Variants in NRF1 observed in about 807,000 individuals in gnomAD.
The protein encoded by NRF1 is alpha palindromic-binding protein.
Under a neutral mutation model 58.5 loss-of-function variants are expected in NRF1, and 5 were observed. That is an observed-to-expected ratio of 0.09 (90% CI 0.04 to 0.18). The LOEUF is 0.18. Among genes scored for constraint, NRF1 ranks in the 10% least tolerant of loss-of-function variants. NRF1 has a pLI of 1.00. For synonymous variants in NRF1, 224 were observed against 246.7 expected (o/e 0.91, Z 0.86); for missense variants, 288 against 657.7 (o/e 0.44, Z 6.15).
At chr7:129,637,053 G>T (rs1584595218) in intron 1 of NRF1, among the ~76,000 whole-genome samples, 1 of 152,132 alleles carries the variant, frequency 6.6e-6, no homozygotes, top group East Asian at 1.9e-4. Flanking sequence ...AGTAATCCTT[G>T]GTCCTCAGTT....
intron 10 of NRF1, among the ~76,000 whole-genome samples, chr7:129,746,739 C>T (rs565542290): frequency 6.6e-6 from 1 of 152,286 alleles, no homozygotes; most frequent in South Asian, 2.1e-4. Flanking sequence ...ACATGGTTAG[C>T]GTTCATGTTC....
At chr7:129,729,434 G>C (rs148835215) in intron 10 of NRF1, among the ~76,000 whole-genome samples, 1 of 152,344 alleles carries the variant, frequency 6.6e-6, no homozygotes, top group East Asian at 1.9e-4. Context: ...CTAAAAGCCA[G>C]TATTTCCCCC....
chr7:129,734,151 A>G (rs1335307715), intron 10 of NRF1, among the ~76,000 whole-genome samples: 2 of 152,196 alleles, frequency 1.3e-5, no homozygotes, highest in Non-Finnish European at 2.9e-5. Flanking sequence ...TCATTATTTT[A>G]TTCATTTAAC....
intron 1 of NRF1, among the ~76,000 whole-genome samples, chr7:129,618,083 T>G (rs1475617093): frequency 1.3e-5 from 2 of 152,148 alleles, no homozygotes; most frequent in East Asian, 3.9e-4. Flanking sequence ...ACTAGAGACT[T>G]GTGAGAGTAT....
At chr7:129,671,668 C>T (rs1040942798) in intron 3 of NRF1, 125 bp downstream of exon 3, 7 of 589,848 alleles carry the variant, frequency 1.2e-5, no homozygotes, top group Admixed American at 9.5e-5. Context: ...CAGATGTAGA[C>T]TTAAAAGTAT....
intron 2 of NRF1, among the ~76,000 whole-genome samples, chr7:129,660,405 C>T (rs1466507456): frequency 6.0e-5 from 9 of 150,782 alleles, no homozygotes; most frequent in Non-Finnish European, 1.2e-4. Flanking sequence ...AGTCCAAATT[C>T]TCATCTGAGA....
chr7:129,732,518 A>G (rs1803604333), intron 10 of NRF1, among the ~76,000 whole-genome samples: 1 of 152,166 alleles, frequency 6.6e-6, no homozygotes, highest in South Asian at 2.1e-4. Flanking sequence ...CACTTTTCCT[A>G]ATGATGCTAC....
At chr7:129,696,647 G>A (rs1450088750) in intron 5 of NRF1, among the ~76,000 whole-genome samples, 1 of 152,144 alleles carries the variant, frequency 6.6e-6, no homozygotes, top group Non-Finnish European at 1.5e-5. Flanking sequence ...ATAGACTTGG[G>A]TTAACCAGAC....
At position 129,671,395 on chromosome 7, in the gene NRF1, C is replaced by T. The variant is rs747852799; in HGVS notation, c.224-34C>T. 36 of 1,372,602 alleles carry T rather than the reference C, an allele frequency of 2.6e-5. 1 individual carries two copies. In the Admixed American group the frequency reaches 5.8e-4, roughly 22 times the overall value. The allele number at this position is 1,372,602 out of a possible 1,614,324, so 85.0% of individuals were successfully genotyped here. The stretch of plus-strand genomic sequence containing the variant: ...TCTGTCTTGAACAGTTTACAGGCAG[C>T]TGCCTAATCTCAGCACATACGTTAT... On this transcript the variant is annotated intron_variant, in intron 2 of 10. Transcript: ENST00000393232.
intron 1 of NRF1, among the ~76,000 whole-genome samples, chr7:129,613,012 G>A (rs753947): frequency 0.19 from 29,115 of 152,166 alleles, 3,082 homozygotes; most frequent in East Asian, 0.48. Flanking sequence ...TAGAGCTGGT[G>A]TCAATCGTGC....
At chr7:129,670,898 T>A (rs953881671) in intron 2 of NRF1, among the ~76,000 whole-genome samples, 1 of 152,188 alleles carries the variant, frequency 6.6e-6, no homozygotes, top group Non-Finnish European at 1.5e-5. Context: ...GAAGAAAATT[T>A]TTTCAATTAA....
At position 129,744,345 on chromosome 7, in the gene NRF1, C is replaced by T. The variant is rs1189431766; in HGVS notation, c.1349-10673C>T. 1.5e-5 allele frequency: 11 copies of T among 750,994 alleles called. 1 individual carries two copies. In the East Asian group the frequency reaches 2.5e-4, roughly 17 times the overall value. 46.5% of individuals were successfully genotyped at this position (750,994 alleles called of 1,614,324 possible). A position where few individuals can be genotyped will look rare whatever the true frequency, so the allele number is the denominator to read the frequency against. ...TGGGATTCCTCTACTGTGCAGTCCCCCTCACTCGGTCACCTGATAGTTTTA... is the reference window on the plus strand; with the variant it reads ...TGGGATTCCTCTACTGTGCAGTCCCTCTCACTCGGTCACCTGATAGTTTTA... On this transcript the variant is annotated intron_variant, in intron 10 of 10. Transcript: ENST00000393232.
intron 10 of NRF1, among the ~76,000 whole-genome samples, chr7:129,739,143 A>T (rs1803790184): frequency 6.6e-6 from 1 of 152,284 alleles, no homozygotes. Context: ...GTCCAGTATG[A>T]TAGCTGTTAG....
rs765108384 is a variant in NRF1, at chr7:129,657,579, T to C, written c.223+5T>C. 5.6e-6 allele frequency: 9 copies of C among 1,602,006 alleles called. No individual in the cohort carries two copies. The Admixed American group carries it at 1.3e-4, about 24-fold the overall frequency. ...CAGCTCATCTGGCAGCTGCAGGTAG[T>C]GTTGTTTGGATTAGAAGCTCTTCTT... On this transcript the variant is annotated splice_donor_5th_base_variant and intron_variant, in intron 2 of 10. Transcript: ENST00000393232.
intron 10 of NRF1, among the ~76,000 whole-genome samples, chr7:129,732,337 C>T (rs1271662176): frequency 6.6e-6 from 1 of 152,140 alleles, no homozygotes; most frequent in African/African-American, 2.4e-5. Context: ...TGGGGGAAAA[C>T]AAAATAGATT....
intron 1 of NRF1, among the ~76,000 whole-genome samples, chr7:129,635,418 C>G (rs1801147271): frequency 6.6e-6 from 1 of 152,048 alleles, no homozygotes; most frequent in Non-Finnish European, 1.5e-5. Flanking sequence ...GGGAGTGTTA[C>G]AGTTCTTTAA....
chr7:129,637,886 T>C (rs992919729), intron 1 of NRF1, among the ~76,000 whole-genome samples: 1 of 151,854 alleles, frequency 6.6e-6, no homozygotes, highest in Admixed American at 6.6e-5. Context: ...TTTTTTTTTC[T>C]AAGCTCATCA....
At chr7:129,705,871 G>A (rs1271431038) in intron 5 of NRF1, among the ~76,000 whole-genome samples, 1 of 152,158 alleles carries the variant, frequency 6.6e-6, no homozygotes, top group Non-Finnish European at 1.5e-5. Flanking sequence ...AGCCCTGGAG[G>A]TTGAGGCTGC....
At chr7:129,707,844 T>A (rs756451541) in intron 5 of NRF1, among the ~76,000 whole-genome samples, 7 of 152,178 alleles carry the variant, frequency 4.6e-5, no homozygotes, top group Non-Finnish European at 1.0e-4. Context: ...CATTACTGAT[T>A]GGGTTCATGG....
Sources: allele counts gnomAD v4.1 joint callset (sites outside exome capture counted in the v4.1 genomes callset), GRCh38; gene constraint gnomAD v4.1.1; transcripts MANE v1.5; gene names NCBI Gene and HGNC (gene_info 2026-07-23, HGNC 2026-07-21).